Variants in VPS37A observed in about 807,000 individuals in gnomAD.
VPS37A encodes the protein vacuolar protein sorting-associated protein 37A.
In VPS37A, 30 loss-of-function variants were observed where a neutral mutation model predicts 49.8. The observed-to-expected ratio is 0.60, with a 90% CI of 0.45 to 0.82. VPS37A has a LOEUF of 0.82. Among genes scored for constraint, VPS37A ranks in the 40% least tolerant of loss-of-function variants. VPS37A has a pLI of 0.00. For synonymous variants in VPS37A, 195 were observed against 160.6 expected, an observed-to-expected ratio of 1.21 and a Z score of -1.62; for missense variants, 593 against 464.4, an observed-to-expected ratio of 1.28 and a Z score of -2.55.
chr8:17,322,259 A>T, the VPS37A span, among the ~76,000 whole-genome samples: 2 of 152,248 alleles, frequency 1.3e-5, no homozygotes, highest in African/African-American at 4.8e-5. Flanking sequence ...AGCCATTCAA[A>T]GAGGACTTTA....
intron 6 of VPS37A, among the ~76,000 whole-genome samples, chr8:17,279,384 A>G (rs891047482): frequency 2.0e-5 from 3 of 152,098 alleles, no homozygotes; most frequent in African/African-American, 4.8e-5. Flanking sequence ...CCTCTTATCA[A>G]TACATACAAT....
chr8:17,312,779 T>C, the VPS37A span, among the ~76,000 whole-genome samples: 1 of 152,082 alleles, frequency 6.6e-6, no homozygotes, highest in Non-Finnish European at 1.5e-5. Context: ...TGGTTCTCTT[T>C]AGGTATAAAT....
downstream of VPS37A, among the ~76,000 whole-genome samples, chr8:17,302,579 G>A (rs1288437781): frequency 6.6e-6 from 1 of 151,510 alleles, no homozygotes; most frequent in Non-Finnish European, 1.5e-5. Flanking sequence ...TTAAGAAAAT[G>A]GCTCTTAGTT....
chr8:17,309,214 T>C, the VPS37A span: 20 of 1,122,746 alleles, frequency 1.8e-5, no homozygotes, highest in African/African-American at 4.7e-5. Context: ...AAATATTCAA[T>C]TGAAATTTTC....
intron 1 of VPS37A, chr8:17,247,636 C>G: frequency 1.4e-6 from 1 of 704,028 alleles, no homozygotes; most frequent in East Asian, 2.7e-5. Context: ...TGACTGTAAT[C>G]TCTCAATCTC....
the VPS37A span, among the ~76,000 whole-genome samples, chr8:17,320,958 G>C: frequency 7.2e-5 from 11 of 151,936 alleles, no homozygotes; most frequent in Non-Finnish European, 1.6e-4. Context: ...GGATGCAATT[G>C]ATTCCTCCAA....
intron 6 of VPS37A, 49 bp from the exon 7 acceptor site, chr8:17,279,979 A>G: frequency 6.2e-7 from 1 of 1,606,728 alleles, no homozygotes; most frequent in Non-Finnish European, 8.5e-7. Flanking sequence ...GTCATGGAGA[A>G]AAACTCGATG....
rs1209063637 is a variant in VPS37A, at chr8:17,265,588, A to C, written c.126-319A>C. 3.9e-5 allele frequency among the ~76,000 whole-genome samples: 6 copies of C among 152,308 alleles called. No individual in the cohort carries two copies. In the East Asian group the frequency reaches 9.6e-4, roughly 24 times the overall value. On this transcript the variant is annotated intron_variant, in intron 1 of 11. Transcript: ENST00000324849. ...GATTGCTCATCTGTATTAACCGGAG[A>C]GCACACAATTGCTTCTGCTAATGGT...
At chr8:17,283,637 C>G (rs1478298232) in intron 9 of VPS37A, among the ~76,000 whole-genome samples, 1 of 152,100 alleles carries the variant, frequency 6.6e-6, no homozygotes, top group Non-Finnish European at 1.5e-5. Flanking sequence ...ACTGGGCTCC[C>G]TGGTTGAAAA....
At chr8:17,276,518 T>A in intron 6 of VPS37A, 51 bp downstream of exon 6, 1 of 1,502,786 alleles carries the variant, frequency 6.7e-7, no homozygotes, top group African/African-American at 1.4e-5. Flanking sequence ...TTTGTAAGCA[T>A]AAACCAGATT....
chr8:17,249,693 G>C (rs147872179), intron 1 of VPS37A, among the ~76,000 whole-genome samples: 3 of 152,276 alleles, frequency 2.0e-5, no homozygotes, highest in African/African-American at 4.8e-5. Context: ...TATGGTATCT[G>C]ATGTAAAGAT....
At chr8:17,313,494 T>G in the VPS37A span, 3 of 787,706 alleles carry the variant, frequency 3.8e-6, no homozygotes, top group African/African-American at 1.7e-5. Flanking sequence ...AATGATTCCT[T>G]TGTTGTATTA....
intron 11 of VPS37A, among the ~76,000 whole-genome samples, chr8:17,291,606 G>A (rs1387807949): frequency 6.6e-6 from 1 of 151,788 alleles, no homozygotes; most frequent in Non-Finnish European, 1.5e-5. Context: ...TTTCTCCTGT[G>A]GGCATTTAGT....
At position 17,280,273 on chromosome 8, in the gene VPS37A, C is replaced by A; in HGVS notation, c.876C>A (p.Ala292=). The stretch of plus-strand genomic sequence containing the variant: ...TCCTTTTGGAGCCCAGCTTGGAAGC[C>A]AAAAGACAAACTGTTTTAGATAAGG... The part of the protein sequence containing the change: ...KNLLLEPSLE[A]KRQTVLDKYE... The change falls in exon 8 of 12, where the codon GCC becomes GCA. Residue 292 remains alanine, a synonymous_variant. Coordinates refer to ENST00000324849, the MANE Select transcript of VPS37A (RefSeq NM_152415.3). The A allele has an allele frequency of 6.2e-7, 1 of 1,612,546 alleles. No individual in the cohort carries two copies. The highest frequency in any genetic ancestry group is 8.5e-7 in the Non-Finnish European group (1 of 1,179,254).
intron 1 of VPS37A, among the ~76,000 whole-genome samples, chr8:17,253,793 C>T (rs1812190239): frequency 6.6e-6 from 1 of 152,186 alleles, no homozygotes; most frequent in Non-Finnish European, 1.5e-5. Flanking sequence ...TCCATGTTAA[C>T]ACAGATTTCG....
intron 6 of VPS37A, 21 bp from the exon 7 acceptor site, chr8:17,280,006 AT>A: frequency 6.2e-7 from 1 of 1,607,820 alleles, no homozygotes; most frequent in Non-Finnish European, 8.5e-7. Flanking sequence ...ATTTATTGAC[AT>A]TTTTTCTTTT....
intron 1 of VPS37A, among the ~76,000 whole-genome samples, chr8:17,263,831 C>T (rs1813186663): frequency 6.6e-6 from 1 of 152,082 alleles, no homozygotes. Context: ...GTCCCAGCTA[C>T]TCATGAGGCT....
intron 11 of VPS37A, among the ~76,000 whole-genome samples, chr8:17,290,520 G>T (rs917997402): frequency 6.6e-6 from 1 of 152,226 alleles, no homozygotes; most frequent in African/African-American, 2.4e-5. Flanking sequence ...GCATCCCAGG[G>T]ATGAAGCCAA....
the VPS37A span, among the ~76,000 whole-genome samples, chr8:17,319,897 G>C: frequency 2.0e-4 from 30 of 152,250 alleles, 1 homozygote; most frequent in Admixed American, 1.8e-3. Flanking sequence ...ACTTACAACA[G>C]TGCTGCCCTA....
Sources: gnomAD v4.1 joint callset for allele counts (sites outside exome capture counted in the v4.1 genomes callset) on GRCh38, gnomAD v4.1.1 for gene constraint, MANE v1.5 for transcripts, NCBI Gene and HGNC (gene_info 2026-07-23, HGNC 2026-07-21) for gene names.